The following SV2C variants were observed in gnomAD, a reference collection of about 807,000 sequenced individuals.
SV2C encodes the protein solute carrier family 22 member B3.
SV2C carries 49 observed loss-of-function variants against 79.7 expected under a neutral mutation model. The ratio of observed to expected loss-of-function variants is 0.61; its 90% CI spans 0.49 to 0.78. The LOEUF (loss-of-function observed/expected upper bound fraction) is 0.78. Ranked by LOEUF, SV2C falls within the 30% of genes least tolerant of loss-of-function variation. The pLI, the probability that SV2C is intolerant of heterozygous loss-of-function variation, is 0.00. For missense variants in SV2C, 833 were observed against 912.9 expected (o/e 0.91, Z 1.13); for synonymous variants, 334 against 333.2 (o/e 1.00, Z -0.03).
chr5:76,103,582 C>T (rs1437063058), intron 1 of SV2C, among the ~76,000 whole-genome samples: 1 of 152,178 alleles, frequency 6.6e-6, no homozygotes, highest in Non-Finnish European at 1.5e-5. Flanking sequence ...GCCATAGCTT[C>T]ACCAGACAGT....
At chr5:76,256,760 C>G (rs77447463) in intron 4 of SV2C, among the ~76,000 whole-genome samples, 1 of 152,168 alleles carries the variant, frequency 6.6e-6, no homozygotes, top group Non-Finnish European at 1.5e-5. Flanking sequence ...ATCTGCCCCC[C>G]GCTTTAAAAT....
intron 2 of SV2C, chr5:76,174,202 C>T: frequency 6.2e-7 from 1 of 1,611,116 alleles, no homozygotes; most frequent in Non-Finnish European, 8.5e-7. Flanking sequence ...CTTGTCAAAA[C>T]CTAGTACTCT....
At chr5:75,963,181 G>A in the SV2C span, among the ~76,000 whole-genome samples, 1 of 152,048 alleles carries the variant, frequency 6.6e-6, no homozygotes, top group Non-Finnish European at 1.5e-5. Flanking sequence ...CATCCTACTC[G>A]TTCCACTGAT....
upstream of SV2C, among the ~76,000 whole-genome samples, chr5:76,080,564 A>G (rs1462520333): frequency 6.6e-6 from 1 of 152,224 alleles, no homozygotes; most frequent in Non-Finnish European, 1.5e-5. Flanking sequence ...TCTTGTGTAT[A>G]TTATAAAATA....
chr5:76,051,906 A>C, the SV2C span, among the ~76,000 whole-genome samples: 1 of 152,250 alleles, frequency 6.6e-6, no homozygotes, highest in African/African-American at 2.4e-5. Context: ...TTGTGAGGAA[A>C]GGAAAATATC....
At chr5:76,352,813 T>C (rs2112593596) in intron 12 of SV2C, among the ~76,000 whole-genome samples, 1 of 152,334 alleles carries the variant, frequency 6.6e-6, no homozygotes, top group Non-Finnish European at 1.5e-5. Context: ...CAGGTCTGTA[T>C]CTTAGTTTTT....
chr5:76,137,621 T>C (rs1749111194), intron 2 of SV2C, among the ~76,000 whole-genome samples: 1 of 151,876 alleles, frequency 6.6e-6, no homozygotes, highest in Non-Finnish European at 1.5e-5. Flanking sequence ...GGTTAGAGAG[T>C]CTTTCGGCCC....
the SV2C span, among the ~76,000 whole-genome samples, chr5:75,956,571 T>C: frequency 6.6e-6 from 1 of 151,864 alleles, no homozygotes; most frequent in African/African-American, 2.4e-5. Flanking sequence ...AAAGAGCCTA[T>C]CATCTCTTGT....
At chr5:76,045,134 T>A in the SV2C span, among the ~76,000 whole-genome samples, 3 of 152,362 alleles carry the variant, frequency 2.0e-5, no homozygotes, top group South Asian at 6.2e-4. Flanking sequence ...AGCGTATGGC[T>A]AACCAGTTTT....
the SV2C span, among the ~76,000 whole-genome samples, chr5:75,879,149 A>G: frequency 6.6e-6 from 1 of 152,168 alleles, no homozygotes; most frequent in Non-Finnish European, 1.5e-5. Context: ...CACCTTCAAC[A>G]CCGGGAATTA....
At chr5:75,967,495 G>A in the SV2C span, among the ~76,000 whole-genome samples, 1 of 152,176 alleles carries the variant, frequency 6.6e-6, no homozygotes, top group Non-Finnish European at 1.5e-5. Context: ...TTTCCAACAG[G>A]CTTAACAAAT....
the SV2C span, among the ~76,000 whole-genome samples, chr5:75,927,523 A>G: frequency 1.3e-5 from 2 of 152,100 alleles, no homozygotes; most frequent in South Asian, 2.1e-4. Flanking sequence ...TTATTTTTCA[A>G]TGGGTATGAA....
At chr5:76,055,423 A>G in the SV2C span, among the ~76,000 whole-genome samples, 1 of 152,188 alleles carries the variant, frequency 6.6e-6, no homozygotes, top group African/African-American at 2.4e-5. Context: ...GTTTAGTGTC[A>G]GGTAGCATGA....
At chr5:76,012,721 G>A in the SV2C span, among the ~76,000 whole-genome samples, 1 of 152,040 alleles carries the variant, frequency 6.6e-6, no homozygotes, top group Non-Finnish European at 1.5e-5. Flanking sequence ...TTTTCTTCGG[G>A]GTTTTTACTG....
At chr5:76,179,947 GA>G (rs5868810) in intron 2 of SV2C, among the ~76,000 whole-genome samples, 4 of 151,884 alleles carry the variant, frequency 2.6e-5, no homozygotes, top group African/African-American at 7.3e-5. Flanking sequence ...AACAACAACA[GA>G]AAAAAAACTT....
intron 4 of SV2C, among the ~76,000 whole-genome samples, chr5:76,281,666 C>T (rs540302316): frequency 6.6e-6 from 1 of 152,242 alleles, no homozygotes; most frequent in East Asian, 1.9e-4. Flanking sequence ...ATTATGTGTT[C>T]TTGTCTTTCC....
the SV2C span, among the ~76,000 whole-genome samples, chr5:75,940,279 A>C: frequency 6.6e-6 from 1 of 152,094 alleles, no homozygotes; most frequent in Non-Finnish European, 1.5e-5. Context: ...TGGGAGGATC[A>C]CTTGGGCATG....
intron 4 of SV2C, among the ~76,000 whole-genome samples, chr5:76,216,384 G>A (rs1744909674): frequency 1.3e-5 from 2 of 152,160 alleles, no homozygotes; most frequent in Non-Finnish European, 1.5e-5. Context: ...TGGGCCATCT[G>A]TGTCTCCCCC....
At chr5:75,988,198 A>C in the SV2C span, among the ~76,000 whole-genome samples, 1 of 151,896 alleles carries the variant, frequency 6.6e-6, no homozygotes, top group East Asian at 1.9e-4. Context: ...ATTTAACATT[A>C]TTTCAGAGGC....
Sources: allele counts gnomAD v4.1 joint callset (sites outside exome capture counted in the v4.1 genomes callset), GRCh38; gene constraint gnomAD v4.1.1; transcripts MANE v1.5; gene names NCBI Gene and HGNC (gene_info 2026-07-23, HGNC 2026-07-21).